RAB6A: variants seen among roughly 807,000 people sequenced by gnomAD.
RAB6A encodes RAB6A, member RAS oncogene family, also known as ras-related protein Rab-6A.
A neutral mutation model predicts 32.3 loss-of-function variants in RAB6A; 8 were observed. That is an observed-to-expected ratio of 0.25 (90% CI 0.15 to 0.45). The LOEUF is 0.45. Ranked by LOEUF, RAB6A falls within the 20% of genes least tolerant of loss-of-function variation. The pLI is 1.00. For synonymous variants in RAB6A, 73 were observed against 82.1 expected (o/e 0.89, Z 0.60); for missense variants, 104 against 249.4 (o/e 0.42, Z 3.93).
intron 1 of RAB6A, among the ~76,000 whole-genome samples, chr11:73,757,098 CATATATATATATATAT>C (rs1170100550): frequency 1.6e-4 from 6 of 37,666 alleles, no homozygotes; most frequent in South Asian, 1.7e-3. Flanking sequence ...AATATACATA[CATATATATATATATAT>C]ATATATATAT....
At chr11:73,710,157 G>A (rs1433508878) in intron 5 of RAB6A, among the ~76,000 whole-genome samples, 3 of 148,310 alleles carry the variant, frequency 2.0e-5, no homozygotes, top group Admixed American at 6.7e-5. Flanking sequence ...TAGCAGAGAC[G>A]GGGTTTCACC....
chr11:73,756,937 G>A (rs1946759579), intron 1 of RAB6A, among the ~76,000 whole-genome samples: 1 of 151,072 alleles, frequency 6.6e-6, no homozygotes, highest in African/African-American at 2.4e-5. Flanking sequence ...GACTCCTAAA[G>A]TGCTGGGATT....
At chr11:73,679,601 C>T (rs1258227895) in intron 7 of RAB6A, 53 bp downstream of exon 7, 2 of 1,596,418 alleles carry the variant, frequency 1.3e-6, no homozygotes, top group South Asian at 1.1e-5. Flanking sequence ...GCAAGCAGGG[C>T]TCTAAAGACT....
chr11:73,732,361 C>T (rs972890344), intron 1 of RAB6A, among the ~76,000 whole-genome samples: 13 of 152,004 alleles, frequency 8.6e-5, no homozygotes, highest in African/African-American at 2.9e-4. Flanking sequence ...CCGAGGCGGG[C>T]GGATCACGAG....
chr11:73,744,784 G>T (rs924249946), intron 1 of RAB6A, among the ~76,000 whole-genome samples: 4 of 151,974 alleles, frequency 2.6e-5, no homozygotes, highest in African/African-American at 9.7e-5. Flanking sequence ...AGACCATCCT[G>T]GCCAACATGG....
At chr11:73,731,029 T>C (rs1946293265) in intron 1 of RAB6A, among the ~76,000 whole-genome samples, 1 of 152,176 alleles carries the variant, frequency 6.6e-6, no homozygotes, top group Non-Finnish European at 1.5e-5. Context: ...AAAGCACAGG[T>C]AAACAGTCTA....
intron 6 of RAB6A, among the ~76,000 whole-genome samples, chr11:73,703,450 A>C (rs1945779391): frequency 1.3e-5 from 2 of 152,230 alleles, no homozygotes; most frequent in South Asian, 4.1e-4. Context: ...CTGACAATTA[A>C]AAAATTTCTG....
In RAB6A at chr11:73,739,304, T is replaced by TATATATATAA. The variant is rs375733945; in HGVS notation, c.71-8482_71-8481insTTATATATAT. Among the ~76,000 whole-genome samples the TATATATATAA allele has an allele frequency of 8.5e-3, 270 of 31,656 alleles. 24 individuals are homozygous for TATATATATAA. Among genetic ancestry groups the TATATATATAA allele is most frequent in the Non-Finnish European group, 0.012 (162 of 13,366 alleles). 20.8% of individuals were successfully genotyped at this position (31,656 alleles called of 152,430 possible). A position where few individuals can be genotyped will look rare whatever the true frequency, so the allele number is the denominator to read the frequency against. On this transcript the variant is annotated intron_variant, in intron 1 of 7. Coordinates refer to ENST00000336083, the MANE Select transcript of RAB6A (RefSeq NM_198896.2). ...AAAAAAATATATATATATATATATA[T>TATATATATAA]AAATACTGGAACACCAAAGATAACT...
At chr11:73,685,031 G>A (rs1335684344) in intron 6 of RAB6A, among the ~76,000 whole-genome samples, 1 of 152,142 alleles carries the variant, frequency 6.6e-6, no homozygotes, top group Non-Finnish European at 1.5e-5. Flanking sequence ...GAAATTGAAA[G>A]GTATTAAGCA....
intron 5 of RAB6A, among the ~76,000 whole-genome samples, chr11:73,709,950 C>CACATATAT (rs1555058393): frequency 1.3e-3 from 74 of 57,376 alleles, no homozygotes; most frequent in South Asian, 9.2e-3. Context: ...CACACACACA[C>CACATATAT]ATATATATAT....
intron 6 of RAB6A, among the ~76,000 whole-genome samples, chr11:73,702,237 C>G (rs1945757080): frequency 6.6e-6 from 1 of 152,218 alleles, no homozygotes; most frequent in African/African-American, 2.4e-5. Flanking sequence ...TCATGCCTCA[C>G]TGCAGCCTTG....
At chr11:73,723,069 A>T (rs368271578) in intron 2 of RAB6A, among the ~76,000 whole-genome samples, 1 of 152,066 alleles carries the variant, frequency 6.6e-6, no homozygotes, top group Non-Finnish European at 1.5e-5. Context: ...TCGGCCTCCC[A>T]AAGTGCCAGG....
chr11:73,752,971 AG>A (rs1011213011), intron 1 of RAB6A, among the ~76,000 whole-genome samples: 3 of 152,238 alleles, frequency 2.0e-5, no homozygotes, highest in Admixed American at 6.5e-5. Context: ...AAAAAGTCCA[AG>A]CCAGGTGAGG....
chr11:73,744,782 C>G (rs1946558596), intron 1 of RAB6A, among the ~76,000 whole-genome samples: 1 of 151,976 alleles, frequency 6.6e-6, no homozygotes. Context: ...CGAGACCATC[C>G]TGGCCAACAT....
intron 6 of RAB6A, among the ~76,000 whole-genome samples, chr11:73,705,962 T>C (rs1260689753): frequency 6.7e-6 from 1 of 150,294 alleles, no homozygotes. Context: ...TTATAAGGAG[T>C]ACAATTAGGA....
intron 6 of RAB6A, among the ~76,000 whole-genome samples, chr11:73,690,909 A>C (rs1467576518): frequency 6.7e-6 from 1 of 148,544 alleles, no homozygotes; most frequent in Non-Finnish European, 1.5e-5. Flanking sequence ...AAAAAAACCC[A>C]AAACACGAAC....
intron 1 of RAB6A, among the ~76,000 whole-genome samples, chr11:73,741,195 G>A (rs1230781078): frequency 6.6e-6 from 1 of 151,848 alleles, no homozygotes; most frequent in Non-Finnish European, 1.5e-5. Context: ...GGAATGCGGT[G>A]GCGCAATCTC....
intron 6 of RAB6A, among the ~76,000 whole-genome samples, chr11:73,690,361 C>T (rs1185359969): frequency 6.6e-6 from 1 of 152,138 alleles, no homozygotes; most frequent in African/African-American, 2.4e-5. Flanking sequence ...TCCCCAGTTC[C>T]TTAAATCTTC....
At chr11:73,727,429 G>A (rs1259459615) in intron 2 of RAB6A, among the ~76,000 whole-genome samples, 16 of 143,466 alleles carry the variant, frequency 1.1e-4, no homozygotes, top group Admixed American at 3.5e-4. Flanking sequence ...CTATCTCTTG[G>A]AAAAAAAAAA....
Sources: allele counts gnomAD v4.1 joint callset (sites outside exome capture counted in the v4.1 genomes callset), GRCh38; gene constraint gnomAD v4.1.1; transcripts MANE v1.5; gene names NCBI Gene and HGNC (gene_info 2026-07-23, HGNC 2026-07-21).